Variants in SPATA16 observed in about 807,000 individuals in gnomAD.
SPATA16 encodes spermatogenesis-associated protein 16.
SPATA16 carries 36 observed loss-of-function variants against 63.3 expected under a neutral mutation model. The observed-to-expected ratio is 0.57, with a 90% CI of 0.44 to 0.75. The LOEUF (loss-of-function observed/expected upper bound fraction) is 0.75. Among genes scored for constraint, SPATA16 ranks in the 30% least tolerant of loss-of-function variants. The pLI is 0.00. For missense variants in SPATA16, 646 were observed against 679.3 expected (o/e 0.95, Z 0.54); for synonymous variants, 203 against 216.7 (o/e 0.94, Z 0.56).
chr3:172,957,968 A>G (rs1733639701), intron 5 of SPATA16, among the ~76,000 whole-genome samples: 1 of 152,158 alleles, frequency 6.6e-6, no homozygotes, highest in Non-Finnish European at 1.5e-5. Flanking sequence ...TTCTGGATGC[A>G]AAGGGTCTTC....
At chr3:172,998,176 G>A (rs556525722) in intron 4 of SPATA16, among the ~76,000 whole-genome samples, 16 of 152,104 alleles carry the variant, frequency 1.1e-4, no homozygotes, top group Non-Finnish European at 2.1e-4. Context: ...TGAACATGGA[G>A]TACCTCTCAT....
chr3:173,040,067 A>G lies in SPATA16; in HGVS notation c.758+8882T>C, dbSNP rs1489564931. On this transcript the variant is annotated intron_variant, in intron 3 of 10. Transcript: ENST00000351008. Reference sequence around the variant, plus strand: ...TTTACATTTTCCTCTCTTATTGTACATAGTCATGGTTGTCTTCCTCCTCCA... The same window carrying G: ...TTTACATTTTCCTCTCTTATTGTACGTAGTCATGGTTGTCTTCCTCCTCCA... 2.6e-5 allele frequency among the ~76,000 whole-genome samples: 4 copies of G among 152,008 alleles called. No homozygotes were observed. In the East Asian group the frequency reaches 7.8e-4, roughly 29 times the overall value.
intron 4 of SPATA16, among the ~76,000 whole-genome samples, chr3:173,005,326 A>AC (rs1491314035): frequency 5.6e-5 from 8 of 143,020 alleles, no homozygotes; most frequent in Non-Finnish European, 1.1e-4. Context: ...CTGTCTCAAA[A>AC]GAAAAAAAAA....
chr3:172,994,195 G>C (rs1198254811), intron 4 of SPATA16, among the ~76,000 whole-genome samples: 1 of 152,102 alleles, frequency 6.6e-6, no homozygotes, highest in Non-Finnish European at 1.5e-5. Context: ...TGTGACTCCT[G>C]GTAGGGAGCC....
intron 2 of SPATA16, among the ~76,000 whole-genome samples, chr3:173,077,686 TTCTC>T (rs1412469769): frequency 1.3e-5 from 2 of 152,210 alleles, no homozygotes; most frequent in Non-Finnish European, 2.9e-5. Context: ...AACGATTACT[TTCTC>T]TCTCACCAAC....
chr3:173,059,788 A>G (rs956473512), intron 2 of SPATA16, among the ~76,000 whole-genome samples: 7 of 147,588 alleles, frequency 4.7e-5, no homozygotes, highest in African/African-American at 1.0e-4. Flanking sequence ...CCCATCCCAC[A>G]TAAATGAACT....
intron 2 of SPATA16, among the ~76,000 whole-genome samples, chr3:173,056,704 TCAAA>T (rs1736234984): frequency 1.8e-5 from 1 of 56,458 alleles, no homozygotes; most frequent in African/African-American, 1.2e-4. Context: ...GACTCTTGTT[TCAAA>T]AAAAAAAAAA....
At chr3:172,921,927 G>A (rs1388978033) in intron 8 of SPATA16, among the ~76,000 whole-genome samples, 2 of 152,102 alleles carry the variant, frequency 1.3e-5, no homozygotes, top group Non-Finnish European at 2.9e-5. Context: ...ACAAATTAGG[G>A]TAACAAATAA....
intron 2 of SPATA16, among the ~76,000 whole-genome samples, chr3:173,103,758 A>C (rs1215457143): frequency 6.6e-6 from 1 of 152,312 alleles, no homozygotes; most frequent in South Asian, 2.1e-4. Context: ...GGCTATCAGC[A>C]CCTAGCTACA....
intron 2 of SPATA16, among the ~76,000 whole-genome samples, chr3:173,099,149 C>A (rs997620230): frequency 6.6e-6 from 1 of 152,006 alleles, no homozygotes; most frequent in African/African-American, 2.4e-5. Context: ...CTTCACAATG[C>A]CTAGGTCATT....
chr3:172,975,925 G>GA (rs1052381668), intron 5 of SPATA16, among the ~76,000 whole-genome samples: 11 of 151,084 alleles, frequency 7.3e-5, no homozygotes, highest in African/African-American at 7.3e-5. Flanking sequence ...AATGTGGGGG[G>GA]AAAAAAAACA....
chr3:173,116,301 C>A (rs1049212041), intron 2 of SPATA16, among the ~76,000 whole-genome samples: 1 of 152,182 alleles, frequency 6.6e-6, no homozygotes, highest in Non-Finnish European at 1.5e-5. Flanking sequence ...CAGTGCCCAG[C>A]AGGCATATAT....
intron 2 of SPATA16, among the ~76,000 whole-genome samples, chr3:173,071,438 A>G (rs35706340): frequency 0.2 from 31,091 of 152,064 alleles, 3,332 homozygotes; most frequent in South Asian, 0.29. Context: ...ACAGGTAACC[A>G]AAGGAAAAAT....
At chr3:172,951,408 C>T (rs1577103067) in intron 6 of SPATA16, among the ~76,000 whole-genome samples, 1 of 151,874 alleles carries the variant, frequency 6.6e-6, no homozygotes, top group Non-Finnish European at 1.5e-5. Context: ...GTAATATAAT[C>T]TTATACCTGC....
At chr3:173,020,387 G>C (rs930740544) in intron 3 of SPATA16, among the ~76,000 whole-genome samples, 1 of 152,094 alleles carries the variant, frequency 6.6e-6, no homozygotes, top group Non-Finnish European at 1.5e-5. Flanking sequence ...GGGTGTAAGA[G>C]AAGACCTGTA....
intron 1 of SPATA16, among the ~76,000 whole-genome samples, chr3:173,130,089 G>A (rs547704488): frequency 4.7e-4 from 71 of 152,078 alleles, no homozygotes; most frequent in Non-Finnish European, 8.7e-4. Flanking sequence ...TCGCCCGGGC[G>A]CGGTGGCTCA....
intron 2 of SPATA16, 111 bp from the exon 3 acceptor site, chr3:173,049,205 TTA>T (rs1207643704): frequency 4.9e-6 from 6 of 1,224,022 alleles, no homozygotes; most frequent in African/African-American, 4.6e-5. Context: ...TTATGCTTGC[TTA>T]TATGTTTTGC....
intron 9 of SPATA16, among the ~76,000 whole-genome samples, chr3:172,915,133 T>C (rs1577087427): frequency 6.6e-6 from 1 of 152,138 alleles, no homozygotes; most frequent in Admixed American, 6.5e-5. Context: ...AGGATAAACA[T>C]TTAACCTTTT....
In SPATA16 at chr3:173,046,253, G is replaced by A. The variant is rs561448144; in HGVS notation, c.758+2696C>T. On this transcript the variant is annotated intron_variant, in intron 3 of 10. Coordinates refer to ENST00000351008, the MANE Select transcript of SPATA16 (RefSeq NM_031955.6). ...TTAGGAGAGTCTGAGCATTACTTTT[G>A]GTTGAAGTAAAAAATAATACTTATA... Among the ~76,000 whole-genome samples, 11 of 151,904 alleles carry A rather than the reference G, an allele frequency of 7.2e-5. No individual in the cohort carries two copies. In the South Asian group the frequency reaches 2.3e-3, roughly 31 times the overall value.
Sources: gnomAD v4.1 joint callset for allele counts (sites outside exome capture counted in the v4.1 genomes callset) on GRCh38, gnomAD v4.1.1 for gene constraint, MANE v1.5 for transcripts, NCBI Gene and HGNC (gene_info 2026-07-23, HGNC 2026-07-21) for gene names.